EXD3: variants seen among roughly 807,000 people sequenced by gnomAD.
The protein encoded by EXD3 is exonuclease 3'-5' domain containing 3.
In EXD3, 92 loss-of-function variants were observed where a neutral mutation model predicts 98.0. The ratio of observed to expected loss-of-function variants is 0.94; its 90% CI spans 0.79 to 1.12. The LOEUF is 1.12. EXD3 is among the 50% of genes most tolerant of loss of function. The probability of loss-of-function intolerance (pLI) is 0.00; values close to 1 mark genes in which losing one functional copy is unlikely to be tolerated. For synonymous variants in EXD3, 569 were observed against 526.0 expected (o/e 1.08, Z -1.12); for missense variants, 1,222 against 1,191.6 (o/e 1.03, Z -0.38).
At chr9:137,316,201 G>A (rs1007116102) in intron 19 of EXD3, among the ~76,000 whole-genome samples, 1 of 151,762 alleles carries the variant, frequency 6.6e-6, no homozygotes, top group Non-Finnish European at 1.5e-5. Context: ...GAGGGGCGGC[G>A]GAGGGCGGGG....
intron 19 of EXD3, among the ~76,000 whole-genome samples, chr9:137,318,218 C>T (rs1370740360): frequency 6.6e-6 from 1 of 152,146 alleles, no homozygotes; most frequent in Non-Finnish European, 1.5e-5. Flanking sequence ...AGAACCCCCT[C>T]TTGGACCCCT....
intron 5 of EXD3, among the ~76,000 whole-genome samples, chr9:137,370,755 C>T (rs1408669866): frequency 7.3e-5 from 11 of 151,320 alleles, no homozygotes; most frequent in Non-Finnish European, 2.9e-5. Context: ...GACAGCCCTG[C>T]CTCCCACCTC....
At chr9:137,360,615 C>T (rs1275680058) in intron 7 of EXD3, among the ~76,000 whole-genome samples, 1 of 84,204 alleles carries the variant, frequency 1.2e-5, no homozygotes, top group Non-Finnish European at 2.9e-5. Context: ...CATCTGCTAC[C>T]ATGCCCAGCT....
At chr9:137,320,039 C>T (rs1268797088) in intron 19 of EXD3, among the ~76,000 whole-genome samples, 1 of 152,224 alleles carries the variant, frequency 6.6e-6, no homozygotes, top group African/African-American at 2.4e-5. Flanking sequence ...CCAGGGGGTT[C>T]AGGTTCTGGT....
intron 11 of EXD3, 24 bp from the exon 12 acceptor site, chr9:137,352,225 G>A (rs748750866): frequency 3.7e-6 from 6 of 1,611,872 alleles, no homozygotes; most frequent in South Asian, 1.1e-5. Context: ...AGCTGGTAGC[G>A]CCCCCATGTC....
At chr9:137,314,692 T>C (rs1694451645) in intron 19 of EXD3, among the ~76,000 whole-genome samples, 1 of 152,014 alleles carries the variant, frequency 6.6e-6, no homozygotes, top group South Asian at 2.1e-4. Context: ...GTCCCCTTTG[T>C]GTGGCCAGGA....
intron 17 of EXD3, among the ~76,000 whole-genome samples, chr9:137,337,507 C>T (rs997042476): frequency 1.5e-4 from 23 of 151,920 alleles, no homozygotes; most frequent in Admixed American, 3.9e-4. Flanking sequence ...AAAAATTAGC[C>T]GGGTGTGGTG....
intron 1 of EXD3, among the ~76,000 whole-genome samples, chr9:137,414,681 A>C (rs922023854): frequency 2.0e-5 from 3 of 152,142 alleles, no homozygotes; most frequent in African/African-American, 7.2e-5. Context: ...TCCTTTCCTT[A>C]ACAATTAACA....
intron 3 of EXD3, among the ~76,000 whole-genome samples, chr9:137,379,496 T>C (rs1178977168): frequency 1.6e-5 from 1 of 62,866 alleles, no homozygotes; most frequent in African/African-American, 5.0e-5. Flanking sequence ...CGGGTGACGG[T>C]GACCGTTGCC....
intron 2 of EXD3, 71 bp from the exon 3 acceptor site, chr9:137,383,448 G>T: frequency 8.1e-7 from 1 of 1,241,540 alleles, no homozygotes; most frequent in Non-Finnish European, 1.1e-6. Context: ...CCGCCGGGAA[G>T]TCCCTCCCAC....
intron 19 of EXD3, among the ~76,000 whole-genome samples, chr9:137,313,724 C>G (rs960190761): frequency 2.0e-5 from 3 of 152,114 alleles, no homozygotes; most frequent in Non-Finnish European, 1.5e-5. Context: ...GCAGGCAGGT[C>G]CAGGAGGAGT....
chr9:137,318,962 C>T (rs1314577241), intron 19 of EXD3, among the ~76,000 whole-genome samples: 1 of 152,258 alleles, frequency 6.6e-6, no homozygotes, highest in Non-Finnish European at 1.5e-5. Context: ...GCTCTGGGAA[C>T]CCTGCACGTT....
At chr9:137,350,936 C>A (rs972562948) in intron 14 of EXD3, 102 bp downstream of exon 14, 1 of 895,428 alleles carries the variant, frequency 1.1e-6, no homozygotes, top group East Asian at 2.7e-5. Context: ...AGGAATCCGG[C>A]GGGAGAAGCC....
intron 1 of EXD3, among the ~76,000 whole-genome samples, chr9:137,420,735 T>TCCCC (rs1337914999): frequency 5.9e-4 from 57 of 97,312 alleles, no homozygotes; most frequent in Middle Eastern, 0.011. Context: ...GGACAGACAT[T>TCCCC]CACCCCCCCC....
intron 7 of EXD3, among the ~76,000 whole-genome samples, chr9:137,358,944 C>T (rs112924631): frequency 6.6e-6 from 1 of 150,768 alleles, no homozygotes; most frequent in Non-Finnish European, 1.5e-5. Context: ...CTGCACCTGG[C>T]AAGGCCTACT....
chr9:137,389,205 G>A (rs971231048), intron 2 of EXD3, among the ~76,000 whole-genome samples: 5 of 152,212 alleles, frequency 3.3e-5, no homozygotes, highest in Non-Finnish European at 7.3e-5. Context: ...GACGTGATAA[G>A]GACAGAGGCG....
intron 17 of EXD3, among the ~76,000 whole-genome samples, chr9:137,327,641 T>C (rs369704145): frequency 6.9e-6 from 1 of 145,436 alleles, no homozygotes; most frequent in Non-Finnish European, 1.5e-5. Context: ...TATACACCCA[T>C]ATGATGAGTA....
intron 3 of EXD3, among the ~76,000 whole-genome samples, chr9:137,381,789 C>T (rs368006378): frequency 4.6e-5 from 7 of 152,220 alleles, no homozygotes; most frequent in East Asian, 1.9e-4. Flanking sequence ...CATGTGCAGC[C>T]GGCTCTAGGG....
At chr9:137,404,138 C>T (rs1197207482) in intron 1 of EXD3, among the ~76,000 whole-genome samples, 1 of 152,204 alleles carries the variant, frequency 6.6e-6, no homozygotes, top group East Asian at 1.9e-4. Flanking sequence ...ACCAGTCCTA[C>T]TGGATTAGGG....
Sources: gnomAD v4.1 joint callset for allele counts (sites outside exome capture counted in the v4.1 genomes callset) on GRCh38, gnomAD v4.1.1 for gene constraint, MANE v1.5 for transcripts, NCBI Gene and HGNC (gene_info 2026-07-23, HGNC 2026-07-21) for gene names.